The following ZBTB7C variants were observed in gnomAD, a reference collection of about 807,000 sequenced individuals.
ZBTB7C encodes the protein zinc finger and BTB domain containing 7C, also known as zinc finger and BTB domain-containing protein 7C.
In ZBTB7C, 8 loss-of-function variants were observed where a neutral mutation model predicts 25.7. The observed-to-expected ratio is 0.31, with a 90% CI of 0.18 to 0.56. The LOEUF (loss-of-function observed/expected upper bound fraction) is 0.56. Among genes scored for constraint, ZBTB7C ranks in the 20% least tolerant of loss-of-function variants. The pLI, the probability that ZBTB7C is intolerant of heterozygous loss-of-function variation, is 0.91. For missense variants in ZBTB7C, 824 were observed against 855.2 expected (o/e 0.96, Z 0.46); for synonymous variants, 394 against 369.0 (o/e 1.07, Z -0.78).
At chr18:48,153,533 A>G (rs1211792536) in intron 3 of ZBTB7C, among the ~76,000 whole-genome samples, 1 of 152,220 alleles carries the variant, frequency 6.6e-6, no homozygotes, top group Non-Finnish European at 1.5e-5. Flanking sequence ...GTCCAAAGGG[A>G]AAAAGGGAAG....
chr18:48,060,243 GAGA>G (rs1345278305), intron 3 of ZBTB7C, among the ~76,000 whole-genome samples: 7 of 152,166 alleles, frequency 4.6e-5, no homozygotes, highest in Admixed American at 3.9e-4. Flanking sequence ...AAGCAGAGGG[GAGA>G]AGGAGGAGGG....
intron 3 of ZBTB7C, among the ~76,000 whole-genome samples, chr18:48,108,362 C>G (rs189025493): frequency 6.6e-6 from 1 of 152,268 alleles, no homozygotes; most frequent in African/African-American, 2.4e-5. Context: ...GCAGCGACCA[C>G]AGGCAGGAAG....
At chr18:48,042,818 C>G (rs998201967) in intron 3 of ZBTB7C, among the ~76,000 whole-genome samples, 1 of 152,186 alleles carries the variant, frequency 6.6e-6, no homozygotes, top group Admixed American at 6.5e-5. Flanking sequence ...GGGTAGTCTC[C>G]CTGTGCCAGG....
intron 2 of ZBTB7C, among the ~76,000 whole-genome samples, chr18:48,218,326 G>A (rs1176679386): frequency 1.3e-5 from 2 of 152,206 alleles, no homozygotes; most frequent in African/African-American, 2.4e-5. Context: ...CTGCTGGCTC[G>A]AGAGGCTGGT....
chr18:48,099,569 C>A (rs2038757975), intron 3 of ZBTB7C, among the ~76,000 whole-genome samples: 1 of 152,226 alleles, frequency 6.6e-6, no homozygotes, highest in African/African-American at 2.4e-5. Flanking sequence ...ACCTGCTCTA[C>A]CAAAGGCGTG....
At chr18:48,190,028 T>C (rs910581261) in intron 2 of ZBTB7C, among the ~76,000 whole-genome samples, 2 of 152,168 alleles carry the variant, frequency 1.3e-5, no homozygotes, top group Non-Finnish European at 2.9e-5. Context: ...GGAGAAACAC[T>C]TGGCCCTTGA....
chr18:48,362,610 G>C (rs2047134187), intron 1 of ZBTB7C, among the ~76,000 whole-genome samples: 1 of 152,178 alleles, frequency 6.6e-6, no homozygotes, highest in South Asian at 2.1e-4. Flanking sequence ...AAGCTCCCTA[G>C]TTTATGGCAT....
intron 2 of ZBTB7C, among the ~76,000 whole-genome samples, chr18:48,213,836 G>C (rs1054685231): frequency 2.0e-5 from 3 of 152,202 alleles, no homozygotes; most frequent in African/African-American, 7.2e-5. Context: ...CAGAGCAAAG[G>C]AGCCCCTCTC....
At chr18:48,293,518 C>T (rs908356717) in intron 2 of ZBTB7C, among the ~76,000 whole-genome samples, 7 of 152,164 alleles carry the variant, frequency 4.6e-5, no homozygotes, top group Non-Finnish European at 1.0e-4. Context: ...CACCCAATTC[C>T]CTTCTCTTTT....
In ZBTB7C at chr18:48,043,389, A is replaced by T. The variant is rs370740313; in HGVS notation, c.-16-2266T>A. ...CATTGTGGTACATCCATGCCAGGGA[A>T]TACTATTCAGCAATAAAAAGGAGTG... On this transcript the variant is annotated intron_variant, in intron 3 of 4. Transcript: ENST00000590800. Among the ~76,000 whole-genome samples the T allele has an allele frequency of 2.9e-4, 44 of 152,264 alleles. 1 individual carries two copies. In the East Asian group the frequency reaches 4.6e-3, roughly 16 times the overall value.
At chr18:48,246,354 C>T (rs1457506419) in intron 2 of ZBTB7C, among the ~76,000 whole-genome samples, 1 of 151,542 alleles carries the variant, frequency 6.6e-6, no homozygotes, top group Non-Finnish European at 1.5e-5. Context: ...GGCGTGGACC[C>T]GGGAGGCGGA....
intron 2 of ZBTB7C, among the ~76,000 whole-genome samples, chr18:48,291,731 C>T (rs1458461954): frequency 1.3e-5 from 2 of 152,160 alleles, no homozygotes; most frequent in African/African-American, 4.8e-5. Flanking sequence ...GTGCTCTTGA[C>T]CAAAGAGTGC....
At chr18:48,402,277 AAAG>A (rs1280335930) in intron 1 of ZBTB7C, among the ~76,000 whole-genome samples, 1 of 152,072 alleles carries the variant, frequency 6.6e-6, no homozygotes, top group Non-Finnish European at 1.5e-5. Flanking sequence ...AAAAAAAAAA[AAAG>A]GTTACTTAAT....
intron 2 of ZBTB7C, among the ~76,000 whole-genome samples, chr18:48,218,661 G>A (rs2042881305): frequency 6.6e-6 from 1 of 152,204 alleles, no homozygotes; most frequent in Non-Finnish European, 1.5e-5. Flanking sequence ...ACAGGTTGTT[G>A]TAGCCTCTGC....
intron 2 of ZBTB7C, among the ~76,000 whole-genome samples, chr18:48,257,237 C>T (rs1273846345): frequency 1.3e-5 from 2 of 151,796 alleles, no homozygotes. Flanking sequence ...AAAAATATTA[C>T]CAGGAATAAA....
chr18:48,397,100 G>A (rs1203255769), intron 1 of ZBTB7C, among the ~76,000 whole-genome samples: 1 of 152,120 alleles, frequency 6.6e-6, no homozygotes, highest in African/African-American at 2.4e-5. Flanking sequence ...TTTAGTACTT[G>A]GTATCAAGTG....
At chr18:48,196,768 C>A (rs936614248) in intron 2 of ZBTB7C, among the ~76,000 whole-genome samples, 1 of 152,110 alleles carries the variant, frequency 6.6e-6, no homozygotes, top group Non-Finnish European at 1.5e-5. Context: ...ATCAATGAAC[C>A]ACCCAACCGA....
At chr18:48,245,765 A>G (rs2043675966) in intron 2 of ZBTB7C, among the ~76,000 whole-genome samples, 1 of 152,212 alleles carries the variant, frequency 6.6e-6, no homozygotes, top group South Asian at 2.1e-4. Context: ...GCTGTGCTCC[A>G]GAAAGCAATC....
intron 2 of ZBTB7C, among the ~76,000 whole-genome samples, chr18:48,305,384 A>T (rs974311220): frequency 3.3e-5 from 5 of 152,302 alleles, no homozygotes; most frequent in African/African-American, 1.2e-4. Context: ...GGTTCTGCTC[A>T]GGGACCTGGA....
Sources: allele counts gnomAD v4.1 joint callset (sites outside exome capture counted in the v4.1 genomes callset), GRCh38; gene constraint gnomAD v4.1.1; transcripts MANE v1.5; gene names NCBI Gene and HGNC (gene_info 2026-07-23, HGNC 2026-07-21).